The following MYO7B variants were observed in gnomAD, a reference collection of about 807,000 sequenced individuals.
The protein encoded by MYO7B is myosin VIIB.
In MYO7B, 212 loss-of-function variants were observed where a neutral mutation model predicts 259.7. That is an observed-to-expected ratio of 0.82 (90% CI 0.73 to 0.91). The LOEUF is 0.91. Among genes scored for constraint, MYO7B ranks in the 40% least tolerant of loss-of-function variants. MYO7B has a pLI of 0.00. For missense variants in MYO7B, 2,732 were observed against 2,813.5 expected (o/e 0.97, Z 0.66); for synonymous variants, 1,197 against 1,166.4 (o/e 1.03, Z -0.54).
At position 127,574,273 on chromosome 2, in the gene MYO7B, G is replaced by A. The variant is rs564567930; in HGVS notation, c.735+211G>A. Among the ~76,000 whole-genome samples the A allele has an allele frequency of 1.4e-4, 21 of 152,312 alleles. No individual in the cohort carries two copies. The South Asian group carries it at 3.9e-3, about 29-fold the overall frequency. ...TTTTGAGCAGGGCTTGGTGGCGCAC[G>A]CCTCTAATCCCAGCACTTATGGGAG... On this transcript the variant is annotated intron_variant, in intron 7 of 47. Transcript: ENST00000409816.
chr2:127,575,449 A>C (rs1433142367), intron 7 of MYO7B, among the ~76,000 whole-genome samples: 1 of 152,188 alleles, frequency 6.6e-6, no homozygotes, highest in Non-Finnish European at 1.5e-5. Flanking sequence ...AGAATTTAAA[A>C]TTACGGCATA....
rs564717765 is a variant in MYO7B, at chr2:127,615,193, C to A, written c.3398+2590C>A. 6.6e-6 allele frequency among the ~76,000 whole-genome samples: 1 copy of A among 152,120 alleles called. No homozygotes were observed. Among genetic ancestry groups the A allele is most frequent in the South Asian group, 2.1e-4 (1 of 4,822 alleles). On this transcript the variant is annotated intron_variant, in intron 26 of 47. Transcript: ENST00000409816. The surrounding 1 kb of genome is among the most constrained non-coding windows in gnomAD (Gnocchi z 4.4). ...CCACAGGTGCACCAAGGAGGAGTGG[C>A]CTTAGTGCCTACCTGGGCCAAGGAA...
intron 1 of MYO7B, among the ~76,000 whole-genome samples, chr2:127,555,638 T>G (rs1421572222): frequency 6.6e-6 from 1 of 152,234 alleles, no homozygotes; most frequent in African/African-American, 2.4e-5. Context: ...ATTTCCATCT[T>G]GATTTCATTG....
chr2:127,571,838 T>C (rs1678645680), intron 6 of MYO7B, among the ~76,000 whole-genome samples: 1 of 152,138 alleles, frequency 6.6e-6, no homozygotes, highest in Non-Finnish European at 1.5e-5. Context: ...ATAAGATAGG[T>C]GTTACATCTT....
rs1417876916 is a variant in MYO7B, at chr2:127,634,274, C to A, written c.5610C>A (p.Ile1870=). Residue 1870 remains isoleucine, a synonymous_variant, in exon 41 of 48, where the codon ATC becomes ATA. Coordinates refer to ENST00000409816, the MANE Select transcript of MYO7B (RefSeq NM_001393586.1). The part of the protein sequence containing the change: ...LASWEGCSLF[I]KISDKVISQK... ...CCTGGGAGGGCTGCAGCCTCTTCAT[C>A]AAGATTTCAGACAAGGTGGGCCGGG... is the stretch of plus-strand genomic sequence containing the variant. The A allele has an allele frequency of 4.4e-6, 7 of 1,582,774 alleles. No homozygotes were observed. The highest frequency in any genetic ancestry group is 1.2e-5 in the South Asian group (1 of 86,520).
chr2:127,634,375 CA>C, intron 41 of MYO7B, 86 bp downstream of exon 41: 1 of 1,091,222 alleles, frequency 9.2e-7, no homozygotes, highest in Non-Finnish European at 1.3e-6. Flanking sequence ...CTCAGCCTAC[CA>C]GGGGCACCCA....
At chr2:127,588,179 G>A (rs1195436926) in intron 14 of MYO7B, among the ~76,000 whole-genome samples, 1 of 152,076 alleles carries the variant, frequency 6.6e-6, no homozygotes, top group Non-Finnish European at 1.5e-5. Flanking sequence ...GAATTAGGGG[G>A]GGTCCAGAGT....
chr2:127,581,866 A>G, intron 10 of MYO7B, 25 bp from the exon 11 acceptor site: 1 of 1,612,804 alleles, frequency 6.2e-7, no homozygotes. Context: ...CACAGGTGCG[A>G]CGCAGCCCCC....
chr2:127,552,328 G>A (rs910467805), intron 1 of MYO7B, among the ~76,000 whole-genome samples: 2 of 152,228 alleles, frequency 1.3e-5, no homozygotes, highest in African/African-American at 2.4e-5. Flanking sequence ...GTTGGGGATG[G>A]AAATGAAGCC....
chr2:127,635,136 C>T lies in MYO7B; in HGVS notation c.5730C>T (p.Leu1910=). 6.2e-7 allele frequency: 1 copy of T among 1,612,992 alleles called. No homozygotes were observed. The highest frequency in any genetic ancestry group is 8.5e-7 in the Non-Finnish European group (1 of 1,179,618). Residue 1910 remains leucine, a synonymous_variant, in exon 43 of 48, where the codon CTC becomes CTT. Transcript: ENST00000409816. ...KPQKEGAPVT[L]PYQVYFMRKL... The stretch of plus-strand genomic sequence containing the variant: ...CTCGCCCAGGGGCCCCCGTGACGCT[C>T]CCCTACCAGGTGTACTTCATGCGGA...
chr2:127,566,658 A>G lies in MYO7B; in HGVS notation c.301A>G (p.Ile101Val). The change falls in exon 5 of 48, where the codon ATC becomes GTC. Residue 101 changes from isoleucine to valine, a missense_variant. Physicochemically the swap from Ile to Val is conservative, Grantham distance 29. Transcript: ENST00000409816. ...QHKIYTYTGS[I>V]LVAVNPFQVL... ...TCCTTCCCAGACATACACAGGCTCCATCCTGGTGGCCGTCAACCCGTTCCA... is the reference window on the plus strand; with the variant it reads ...TCCTTCCCAGACATACACAGGCTCCGTCCTGGTGGCCGTCAACCCGTTCCA... 6.3e-7 allele frequency: 1 copy of G among 1,593,792 alleles called. No individual in the cohort carries two copies. Among genetic ancestry groups the G allele is most frequent in the East Asian group, 2.3e-5 (1 of 44,026 alleles).
intron 1 of MYO7B, among the ~76,000 whole-genome samples, chr2:127,538,842 G>A (rs1332373339): frequency 3.3e-5 from 5 of 152,190 alleles, no homozygotes; most frequent in Non-Finnish European, 5.9e-5. Flanking sequence ...TGGGATTACA[G>A]GCGTGAGCCA....
intron 4 of MYO7B, 93 bp from the exon 5 acceptor site, chr2:127,566,550 C>T (rs869041106): frequency 1.6e-5 from 21 of 1,289,844 alleles, no homozygotes; most frequent in Non-Finnish European, 2.1e-5. Context: ...CTGATAACCC[C>T]GAGGGCAGAG....
chr2:127,604,253 T>C (rs140636695), intron 19 of MYO7B, among the ~76,000 whole-genome samples: 1 of 152,256 alleles, frequency 6.6e-6, no homozygotes. Flanking sequence ...CTTGCACTTT[T>C]ATGTTATAGA....
chr2:127,589,876 GTGGA>G (rs1252959941), intron 15 of MYO7B, among the ~76,000 whole-genome samples: 1 of 131,084 alleles, frequency 7.6e-6, no homozygotes, highest in African/African-American at 2.9e-5. Flanking sequence ...GGGTGGGTGG[GTGGA>G]TGGATAGGTG....
chr2:127,564,899 T>C (rs1277123701), intron 3 of MYO7B, among the ~76,000 whole-genome samples: 1 of 152,240 alleles, frequency 6.6e-6, no homozygotes, highest in East Asian at 1.9e-4. Context: ...TCCAACAACC[T>C]GCAAGGCTCC....
chr2:127,550,397 C>T (rs1693402025), intron 1 of MYO7B, among the ~76,000 whole-genome samples: 1 of 152,124 alleles, frequency 6.6e-6, no homozygotes, highest in Non-Finnish European at 1.5e-5. Flanking sequence ...GAAACCCCAT[C>T]TCTACTAAAA....
intron 9 of MYO7B, among the ~76,000 whole-genome samples, chr2:127,579,014 A>T (rs987419961): frequency 6.6e-6 from 1 of 152,204 alleles, no homozygotes; most frequent in African/African-American, 2.4e-5. Context: ...TAAAAAAAAA[A>T]ATAACCAAAA....
intron 38 of MYO7B, 128 bp downstream of exon 38, chr2:127,631,881 C>T: frequency 3.1e-6 from 4 of 1,271,250 alleles, no homozygotes; most frequent in Non-Finnish European, 4.3e-6. Flanking sequence ...GCTCCTGCCT[C>T]AGCAGTGGGA....
Sources: allele counts gnomAD v4.1 joint callset (sites outside exome capture counted in the v4.1 genomes callset), GRCh38; gene constraint gnomAD v4.1.1; non-coding constraint Gnocchi (gnomAD v3.1); transcripts MANE v1.5; gene names NCBI Gene and HGNC (gene_info 2026-07-23, HGNC 2026-07-21).